The following AK5 variants were observed in gnomAD, a reference collection of about 807,000 sequenced individuals.
The protein encoded by AK5 is adenylate kinase isoenzyme 5.
AK5 carries 27 observed loss-of-function variants against 69.5 expected under a neutral mutation model. The observed-to-expected ratio is 0.39, with a 90% CI of 0.29 to 0.54. The LOEUF (loss-of-function observed/expected upper bound fraction) is 0.54. Among genes scored for constraint, AK5 ranks in the 20% least tolerant of loss-of-function variants. AK5 has a pLI of 0.71. For synonymous variants in AK5, 260 were observed against 244.4 expected, an observed-to-expected ratio of 1.06 and a Z score of -0.60; for missense variants, 531 against 700.4, an observed-to-expected ratio of 0.76 and a Z score of 2.73.
At chr1:77,389,189 G>C (rs1648251475) in intron 6 of AK5, among the ~76,000 whole-genome samples, 1 of 152,190 alleles carries the variant, frequency 6.6e-6, no homozygotes, top group African/African-American at 2.4e-5. Context: ...TCCAGAGAGA[G>C]ACTGTAGAAT....
At chr1:77,320,796 T>A (rs1413164629) in intron 5 of AK5, among the ~76,000 whole-genome samples, 1 of 151,942 alleles carries the variant, frequency 6.6e-6, no homozygotes, top group African/African-American at 2.4e-5. Flanking sequence ...AAAGCTGGAG[T>A]GATGTTACTG....
intron 6 of AK5, among the ~76,000 whole-genome samples, chr1:77,378,524 TTGA>T (rs145491842): frequency 1.7e-3 from 256 of 152,316 alleles, no homozygotes; most frequent in African/African-American, 5.9e-3. Flanking sequence ...TTCACCCATG[TTGA>T]TCAGGCTGGT....
intron 11 of AK5, among the ~76,000 whole-genome samples, chr1:77,519,779 C>G (rs950158642): frequency 7.6e-5 from 8 of 105,764 alleles, no homozygotes; most frequent in Admixed American, 2.6e-4. Context: ...GTGATGACAA[C>G]CAGAGGTCAC....
intron 6 of AK5, among the ~76,000 whole-genome samples, chr1:77,369,142 A>T (rs1349620270): frequency 1.3e-5 from 2 of 152,158 alleles, no homozygotes; most frequent in Non-Finnish European, 2.9e-5. Context: ...TTTATAAAAA[A>T]TTATATTCAA....
chr1:77,515,938 C>T (rs768514486), intron 10 of AK5, among the ~76,000 whole-genome samples: 8 of 151,982 alleles, frequency 5.3e-5, no homozygotes, highest in Admixed American at 2.0e-4. Flanking sequence ...CTGTGGGACC[C>T]GTAGTCCCAG....
At chr1:77,314,077 A>G (rs1660113135) in intron 5 of AK5, 6 of 360,950 alleles carry the variant, frequency 1.7e-5, no homozygotes, top group African/African-American at 4.3e-5. Context: ...GCTATGTGCC[A>G]TTGTTCTGAA....
At chr1:77,464,331 C>T (rs1654014253) in intron 8 of AK5, among the ~76,000 whole-genome samples, 1 of 152,182 alleles carries the variant, frequency 6.6e-6, no homozygotes, top group African/African-American at 2.4e-5. Flanking sequence ...GTGCCAACTT[C>T]CCCGAGGCTC....
chr1:77,375,463 A>G (rs1647208549), intron 6 of AK5, among the ~76,000 whole-genome samples: 1 of 152,166 alleles, frequency 6.6e-6, no homozygotes, highest in African/African-American at 2.4e-5. Flanking sequence ...AAATAAGAAC[A>G]GCCTCAGAGC....
At chr1:77,358,641 A>G (rs1646795575) in intron 6 of AK5, among the ~76,000 whole-genome samples, 1 of 152,148 alleles carries the variant, frequency 6.6e-6, no homozygotes, top group East Asian at 1.9e-4. Flanking sequence ...CACAAGTAGA[A>G]TTTTGTCTTA....
intron 6 of AK5, among the ~76,000 whole-genome samples, chr1:77,389,781 G>A (rs140687221): frequency 1.3e-5 from 2 of 152,174 alleles, no homozygotes; most frequent in African/African-American, 4.8e-5. Flanking sequence ...GGGCAACATG[G>A]TGAAACCCCA....
intron 5 of AK5, among the ~76,000 whole-genome samples, chr1:77,321,903 G>T (rs1353810619): frequency 6.6e-6 from 1 of 152,098 alleles, no homozygotes; most frequent in Non-Finnish European, 1.5e-5. Context: ...TCTACAAAAT[G>T]TGTACCAAAA....
At chr1:77,346,687 A>G (rs1286247784) in intron 6 of AK5, among the ~76,000 whole-genome samples, 1 of 152,058 alleles carries the variant, frequency 6.6e-6, no homozygotes, top group Non-Finnish European at 1.5e-5. Context: ...TTGTAGAGAC[A>G]GGGTCTCACT....
chr1:77,548,062 T>A (rs1349501363), intron 13 of AK5, among the ~76,000 whole-genome samples: 1 of 152,210 alleles, frequency 6.6e-6, no homozygotes, highest in Non-Finnish European at 1.5e-5. Flanking sequence ...TGCTAAAAGA[T>A]GTTATTCAAA....
chr1:77,498,799 G>A (rs1291502291), intron 10 of AK5, among the ~76,000 whole-genome samples: 2 of 152,196 alleles, frequency 1.3e-5, no homozygotes, highest in Non-Finnish European at 2.9e-5. Context: ...ACAAGATGAG[G>A]AAACCATAAC....
intron 5 of AK5, among the ~76,000 whole-genome samples, chr1:77,327,814 TA>T (rs1432111884): frequency 6.6e-6 from 1 of 152,222 alleles, no homozygotes; most frequent in Non-Finnish European, 1.5e-5. Context: ...CCTCTATTCA[TA>T]AAGGGCACAT....
At chr1:77,554,660 C>T (rs1659983535) in intron 13 of AK5, among the ~76,000 whole-genome samples, 1 of 152,102 alleles carries the variant, frequency 6.6e-6, no homozygotes, top group South Asian at 2.1e-4. Flanking sequence ...GGCTGGAGTG[C>T]AGTGGCGCGA....
At chr1:77,501,312 G>A (rs1363345599) in intron 10 of AK5, among the ~76,000 whole-genome samples, 3 of 152,194 alleles carry the variant, frequency 2.0e-5, no homozygotes, top group Admixed American at 6.5e-5. Flanking sequence ...AACACCAGGA[G>A]GACAACTGCC....
chr1:77,282,538 C>G (rs1658119915), intron 1 of AK5, 165 bp downstream of exon 1: 1 of 1,373,572 alleles, frequency 7.3e-7, no homozygotes, highest in Non-Finnish European at 9.4e-7. Flanking sequence ...GCCTTTCCCG[C>G]GGGTTGCCAG....
intron 6 of AK5, among the ~76,000 whole-genome samples, chr1:77,391,495 G>GTATATATATATATATATATATATA (rs753916010): frequency 6.3e-5 from 4 of 63,378 alleles, no homozygotes; most frequent in South Asian, 6.2e-4. Context: ...GTGTGTGTGT[G>GTATATATATATATATATATATATA]TATATATATA....
Sources: allele counts gnomAD v4.1 joint callset (sites outside exome capture counted in the v4.1 genomes callset), GRCh38; gene constraint gnomAD v4.1.1; transcripts MANE v1.5; gene names NCBI Gene and HGNC (gene_info 2026-07-23, HGNC 2026-07-21).